The following ANKS1B variants were observed in gnomAD, a reference collection of about 807,000 sequenced individuals.
ANKS1B encodes ankyrin repeat and sterile alpha motif domain containing 1B.
A neutral mutation model predicts 148.3 loss-of-function variants in ANKS1B; 36 were observed. That is an observed-to-expected ratio of 0.24 (90% confidence interval 0.19 to 0.32). ANKS1B has a LOEUF of 0.32. ANKS1B is among the 10% of genes least tolerant of loss of function. ANKS1B has a pLI of 1.00. For synonymous variants in ANKS1B, 542 were observed against 560.8 expected (o/e 0.97, Z 0.47); for missense variants, 1,157 against 1,542.6 (o/e 0.75, Z 4.19).
At chr12:98,879,399 A>G (rs541228270) in intron 17 of ANKS1B, among the ~76,000 whole-genome samples, 1 of 152,364 alleles carries the variant, frequency 6.6e-6, no homozygotes, top group South Asian at 2.1e-4. Context: ...ACACACAGCT[A>G]ATAAGTCATA....
At chr12:99,703,688 G>T (rs2055249909) in intron 8 of ANKS1B, among the ~76,000 whole-genome samples, 1 of 151,848 alleles carries the variant, frequency 6.6e-6, no homozygotes, top group Non-Finnish European at 1.5e-5. Flanking sequence ...CTACTCCCAG[G>T]ATATATTTCT....
At chr12:99,193,335 A>C (rs968337965) in intron 14 of ANKS1B, among the ~76,000 whole-genome samples, 4 of 152,186 alleles carry the variant, frequency 2.6e-5, no homozygotes, top group African/African-American at 4.8e-5. Context: ...AGGTCATAAG[A>C]ACCTCACACC....
chr12:99,475,263 A>C (rs922758463), intron 10 of ANKS1B, among the ~76,000 whole-genome samples: 2 of 151,656 alleles, frequency 1.3e-5, no homozygotes, highest in Non-Finnish European at 2.9e-5. Context: ...AAGAAAAAAA[A>C]AAAACCTCAA....
intron 9 of ANKS1B, among the ~76,000 whole-genome samples, chr12:99,652,237 CCGAGGCG>C (rs771410624): frequency 3.3e-5 from 5 of 151,980 alleles, no homozygotes; most frequent in Non-Finnish European, 7.4e-5. Flanking sequence ...CTTTGGGAAG[CCGAGGCG>C]GGCAGATCAC....
At chr12:99,008,829 T>G (rs1035579300) in intron 17 of ANKS1B, among the ~76,000 whole-genome samples, 1 of 152,200 alleles carries the variant, frequency 6.6e-6, no homozygotes, top group Non-Finnish European at 1.5e-5. Context: ...TGTGTGTTCA[T>G]CATTGAAGAA....
intron 12 of ANKS1B, among the ~76,000 whole-genome samples, chr12:99,276,464 G>GTC (rs2077683820): frequency 6.6e-6 from 1 of 152,166 alleles, no homozygotes; most frequent in Non-Finnish European, 1.5e-5. Context: ...TGGACATGCT[G>GTC]AGAGACACTT....
intron 1 of ANKS1B, among the ~76,000 whole-genome samples, chr12:99,979,537 C>A (rs549608171): frequency 6.6e-6 from 1 of 151,960 alleles, no homozygotes; most frequent in Non-Finnish European, 1.5e-5. Flanking sequence ...AAGGTCCAAA[C>A]GAGACCATAA....
At chr12:99,004,842 A>C (rs1171245726) in intron 17 of ANKS1B, among the ~76,000 whole-genome samples, 2 of 152,146 alleles carry the variant, frequency 1.3e-5, no homozygotes, top group African/African-American at 4.8e-5. Flanking sequence ...ATTAACAAAG[A>C]AATTGCCATC....
chr12:99,662,906 G>A (rs1397002224), intron 8 of ANKS1B, among the ~76,000 whole-genome samples: 1 of 151,788 alleles, frequency 6.6e-6, no homozygotes, highest in Non-Finnish European at 1.5e-5. Flanking sequence ...CCTGCAGACT[G>A]TTTTCATTAG....
At chr12:99,787,700 A>G (rs117377662) in intron 4 of ANKS1B, among the ~76,000 whole-genome samples, 1 of 152,328 alleles carries the variant, frequency 6.6e-6, no homozygotes, top group Non-Finnish European at 1.5e-5. Context: ...TTAACTTCCT[A>G]CTGCTGAAAT....
At chr12:99,099,748 C>T (rs2057409808) in intron 15 of ANKS1B, 1 of 152,118 alleles carries the variant, frequency 6.6e-6, no homozygotes, top group Non-Finnish European at 1.5e-5. Context: ...AAATGAATGA[C>T]AAAATTCATG....
At chr12:99,433,860 T>C (rs548313909) in intron 11 of ANKS1B, among the ~76,000 whole-genome samples, 18 of 152,130 alleles carry the variant, frequency 1.2e-4, no homozygotes, top group Admixed American at 8.5e-4. Context: ...ACTCCATCAG[T>C]GAAATTCCAA....
chr12:99,983,301 A>G (rs1486411651), intron 1 of ANKS1B, among the ~76,000 whole-genome samples: 1 of 152,184 alleles, frequency 6.6e-6, no homozygotes, highest in East Asian at 1.9e-4. Context: ...CAAGTATGGA[A>G]ATCAACCCCG....
At chr12:99,743,818 T>C (rs1467089852) in intron 8 of ANKS1B, among the ~76,000 whole-genome samples, 2 of 152,210 alleles carry the variant, frequency 1.3e-5, no homozygotes, top group Non-Finnish European at 2.9e-5. Context: ...TCAACTAAAG[T>C]TCTCCATATT....
chr12:99,203,407 G>A (rs1601649389), intron 14 of ANKS1B, among the ~76,000 whole-genome samples: 1 of 151,760 alleles, frequency 6.6e-6, no homozygotes, highest in East Asian at 1.9e-4. Context: ...TCTCCTGCCA[G>A]AAGCCTTTCC....
At chr12:99,658,169 T>C (rs1028336256) in intron 8 of ANKS1B, among the ~76,000 whole-genome samples, 24 of 152,300 alleles carry the variant, frequency 1.6e-4, no homozygotes, top group African/African-American at 5.8e-4. Context: ...GGTTAAGGGC[T>C]TGGGCTCTAA....
At position 99,459,020 on chromosome 12, in the gene ANKS1B, T is replaced by C. The variant is rs559278007; in HGVS notation, c.1439-15211A>G. Among the ~76,000 whole-genome samples the C allele has an allele frequency of 7.2e-5, 11 of 151,900 alleles. No individual in the cohort carries two copies. In the South Asian group the frequency reaches 2.3e-3, roughly 32 times the overall value. On this transcript the variant is annotated intron_variant, in intron 10 of 26. Coordinates refer to ENST00000683438, the MANE Select transcript of ANKS1B (RefSeq NM_001352186.2). ...AGATACAAAAATCCTAAACAAAATATTACTTAACTGAATCCTACAGCATAT... is the reference window on the plus strand; with the variant it reads ...AGATACAAAAATCCTAAACAAAATACTACTTAACTGAATCCTACAGCATAT...
Position 99,478,433 on chromosome 12 carries a change from G to C in ANKS1B, c.1438+26043C>G, listed in dbSNP as rs562051671. On this transcript the variant is annotated intron_variant, in intron 10 of 26. Transcript: ENST00000683438. ...TGAATCTTGGGCACATTTAGTTTGG[G>C]TTTAGTAATATATATTTATGAATTC... Among the ~76,000 whole-genome samples, 7 of 152,084 alleles carry C rather than the reference G, an allele frequency of 4.6e-5. No homozygotes were observed. In the South Asian group the frequency reaches 1.5e-3, roughly 32 times the overall value.
chr12:99,469,398 A>T, intron 10 of ANKS1B, among the ~76,000 whole-genome samples: 1 of 151,998 alleles, frequency 6.6e-6, no homozygotes, highest in East Asian at 1.9e-4. Flanking sequence ...TATGTAACTA[A>T]TCTGCACATT....
Sources: gnomAD v4.1 joint callset for allele counts (sites outside exome capture counted in the v4.1 genomes callset) on GRCh38, gnomAD v4.1.1 for gene constraint, MANE v1.5 for transcripts, NCBI Gene and HGNC (gene_info 2026-07-23, HGNC 2026-07-21) for gene names.